Variants in SNTB2 observed in about 807,000 individuals in gnomAD.
SNTB2 encodes the protein syntrophin beta 2, also known as beta-2-syntrophin.
SNTB2 carries 34 observed loss-of-function variants against 46.2 expected under a neutral mutation model. The ratio of observed to expected loss-of-function variants is 0.74; its 90% CI spans 0.56 to 0.98. The LOEUF (loss-of-function observed/expected upper bound fraction) is 0.98. SNTB2 is among the 50% of genes least tolerant of loss of function. The pLI is 0.00. For synonymous variants in SNTB2, 290 were observed against 312.6 expected, an observed-to-expected ratio of 0.93 and a Z score of 0.76; for missense variants, 603 against 731.4, an observed-to-expected ratio of 0.82 and a Z score of 2.02.
In SNTB2 at chr16:69,187,172, G is replaced by C; in HGVS notation, c.6G>C (p.Arg2Ser). Residue 2 changes from arginine to serine, a missense_variant, in exon 1 of 7, where the codon AGG (arginine) becomes AGC (serine). Around this residue, in one of 2 missense-constraint regions of SNTB2, gnomAD observed 66 missense variants for 39.0 expected, o/e 1.69. Transcript: ENST00000336278. ...GCCGAGGCTGCCTGACTGGAATGAG[G>C]GTAGCTGCGGCGACTGCGGCGGCTG... is the stretch of plus-strand genomic sequence containing the variant. M[R>S]VAAATAAAGA... 7.3e-7 allele frequency: 1 copy of C among 1,369,854 alleles called. No individual in the cohort carries two copies. Among genetic ancestry groups the C allele is most frequent in the Non-Finnish European group, 9.4e-7 (1 of 1,059,098 alleles). 84.9% of individuals were successfully genotyped at this position (1,369,854 alleles called of 1,614,324 possible).
At chr16:69,273,655 A>G (rs939562786) in intron 4 of SNTB2, among the ~76,000 whole-genome samples, 10 of 152,152 alleles carry the variant, frequency 6.6e-5, no homozygotes, top group Non-Finnish European at 1.5e-4. Flanking sequence ...TTCTGAATAT[A>G]CTAAAGACCA....
In SNTB2 at chr16:69,260,101, C is replaced by G; in HGVS notation, c.846C>G (p.Cys282Trp). 1 of 1,613,852 alleles carries G rather than the reference C, an allele frequency of 6.2e-7. No individual in the cohort carries two copies. Among genetic ancestry groups the G allele is most frequent in the Non-Finnish European group, 8.5e-7 (1 of 1,179,958 alleles). The change falls in exon 3 of 7, where the codon TGC becomes TGG. Residue 282 changes from cysteine to tryptophan, a missense_variant. This residue lies in a region of SNTB2 where 537 missense variants were observed against 692.4 expected (regional missense o/e 0.78). Coordinates refer to ENST00000336278, the MANE Select transcript of SNTB2 (RefSeq NM_006750.4). ...PDSRNTLILR[C>W]KDTATAHSWF... ...GCAGGAACACGTTGATCCTACGCTG[C>G]AAAGATACAGCCACAGCACACTCCT...
At chr16:69,233,283 T>C (rs1054160197) in intron 1 of SNTB2, among the ~76,000 whole-genome samples, 6 of 152,182 alleles carry the variant, frequency 3.9e-5, no homozygotes, top group African/African-American at 7.2e-5. Context: ...GTGTGAGATA[T>C]GAGGTTCTGG....
intron 4 of SNTB2, among the ~76,000 whole-genome samples, chr16:69,281,728 A>G (rs1480786538): frequency 6.6e-6 from 1 of 151,038 alleles, no homozygotes; most frequent in Non-Finnish European, 1.5e-5. Flanking sequence ...CTGTAATCCC[A>G]GCTATTCGGG....
chr16:69,279,515 C>CTTTT lies in SNTB2; in HGVS notation c.1149-4508_1149-4505dup, dbSNP rs57637291. 1.1e-3 allele frequency among the ~76,000 whole-genome samples: 79 copies of CTTTT among 71,734 alleles called. 9 individuals are homozygous for CTTTT. Among genetic ancestry groups the CTTTT allele is most frequent in the African/African-American group, 3.1e-3 (46 of 14,720 alleles). The allele number at this position is 71,734 out of a possible 152,430, so 47.1% of individuals were successfully genotyped here. A position where few individuals can be genotyped will look rare whatever the true frequency, so the allele number is the denominator to read the frequency against. On this transcript the variant is annotated intron_variant, in intron 4 of 6. Coordinates refer to ENST00000336278, the MANE Select transcript of SNTB2 (RefSeq NM_006750.4). Reference sequence around the variant, plus strand: ...TATACCAAGAAGTGGGTCCTTTGCCCTTTTTTTTTTTTTTTTTTTTTTTTT... The same window carrying CTTTT: ...TATACCAAGAAGTGGGTCCTTTGCCCTTTTTTTTTTTTTTTTTTTTTTTTTTTTT...
intron 1 of SNTB2, among the ~76,000 whole-genome samples, chr16:69,239,047 G>A (rs1037532408): frequency 6.6e-6 from 1 of 152,070 alleles, no homozygotes. Context: ...CCCAGCTCCA[G>A]TTACTCTGGG....
At chr16:69,234,362 A>T (rs1416612763) in intron 1 of SNTB2, among the ~76,000 whole-genome samples, 1 of 152,212 alleles carries the variant, frequency 6.6e-6, no homozygotes, top group Non-Finnish European at 1.5e-5. Context: ...AGTGGCCAAT[A>T]ATTAGGGAAT....
chr16:69,237,280 G>A (rs1964567814), intron 1 of SNTB2, among the ~76,000 whole-genome samples: 1 of 152,074 alleles, frequency 6.6e-6, no homozygotes. Flanking sequence ...TGGCCAGAAA[G>A]AAGGAATACA....
chr16:69,240,257 T>C (rs942850714), intron 1 of SNTB2, among the ~76,000 whole-genome samples: 3 of 152,210 alleles, frequency 2.0e-5, no homozygotes, highest in African/African-American at 7.2e-5. Context: ...GAATTTGCTA[T>C]GTTATTTTAG....
In SNTB2 at chr16:69,269,468, G is replaced by A. The variant is rs74705541; in HGVS notation, c.1006-675G>A. 4.9e-3 allele frequency among the ~76,000 whole-genome samples: 739 copies of A among 152,086 alleles called. 32 individuals are homozygous for A. In the South Asian group the frequency reaches 0.091, roughly 19 times the overall value. ...GGAGGTGAAGGTTGCAGTGAGCCGCGATTGTCCCGCTGCACTCCAGCTTGG... is the reference window on the plus strand; with the variant it reads ...GGAGGTGAAGGTTGCAGTGAGCCGCAATTGTCCCGCTGCACTCCAGCTTGG... On this transcript the variant is annotated intron_variant, in intron 3 of 6. Transcript: ENST00000336278.
At chr16:69,259,602 CTTTTTT>C (rs746479723) in intron 2 of SNTB2, among the ~76,000 whole-genome samples, 1 of 120,618 alleles carries the variant, frequency 8.3e-6, no homozygotes, top group Non-Finnish European at 1.8e-5. Context: ...GAGAAAGTAT[CTTTTTT>C]TTTTTTTTTT....
intron 1 of SNTB2, among the ~76,000 whole-genome samples, chr16:69,234,414 A>G (rs1190747238): frequency 6.6e-6 from 1 of 152,216 alleles, no homozygotes; most frequent in Non-Finnish European, 1.5e-5. Flanking sequence ...GGAATACTAT[A>G]TAGCTATTTT....
rs548824727 is a variant in SNTB2 at position 69,258,342 on chromosome 16, TTTGA to T, written c.795-1703_795-1700del. Among the ~76,000 whole-genome samples the T allele has an allele frequency of 3.4e-3, 517 of 152,246 alleles. 4 individuals carry two copies. The highest frequency in any genetic ancestry group is 0.01 in the African/African-American group (423 of 41,572). On this transcript the variant is annotated intron_variant, in intron 2 of 6. Coordinates refer to ENST00000336278, the MANE Select transcript of SNTB2 (RefSeq NM_006750.4). ...TTTTAAAATTCATCTTTGCAAGAAC[TTTGA>T]TTGAAACACAAAACAATATTCAATA...
At chr16:69,209,852 G>A (rs1964261431) in intron 1 of SNTB2, among the ~76,000 whole-genome samples, 1 of 151,958 alleles carries the variant, frequency 6.6e-6, no homozygotes, top group Admixed American at 6.6e-5. Context: ...CCCACCTCAA[G>A]ATGTTTAAAC....
intron 1 of SNTB2, among the ~76,000 whole-genome samples, chr16:69,198,204 G>A (rs1022785407): frequency 1.3e-5 from 2 of 151,504 alleles, no homozygotes; most frequent in African/African-American, 4.9e-5. Flanking sequence ...CACCTCGCGG[G>A]TTCAAGCGAT....
intron 1 of SNTB2, among the ~76,000 whole-genome samples, chr16:69,213,399 C>A (rs895974048): frequency 6.6e-6 from 1 of 151,988 alleles, no homozygotes; most frequent in Non-Finnish European, 1.5e-5. Context: ...TGATAATTGT[C>A]CACTACTATG....
At chr16:69,292,799 T>A (rs1965186936) in intron 5 of SNTB2, among the ~76,000 whole-genome samples, 1 of 151,914 alleles carries the variant, frequency 6.6e-6, no homozygotes, top group South Asian at 2.1e-4. Flanking sequence ...TATTATTTAT[T>A]GAGCAAGTTT....
At chr16:69,218,732 A>G (rs886686272) in intron 1 of SNTB2, among the ~76,000 whole-genome samples, 2 of 152,128 alleles carry the variant, frequency 1.3e-5, no homozygotes, top group Non-Finnish European at 2.9e-5. Context: ...GTTACAAACA[A>G]TTTTTTAAAA....
chr16:69,237,598 T>C (rs986089424), intron 1 of SNTB2, among the ~76,000 whole-genome samples: 5 of 127,946 alleles, frequency 3.9e-5, no homozygotes, highest in African/African-American at 1.7e-4. Flanking sequence ...TTTCTTTCTT[T>C]CTTTCTTTTT....
Sources: gnomAD v4.1 joint callset for allele counts (sites outside exome capture counted in the v4.1 genomes callset) on GRCh38, gnomAD v4.1.1 for gene constraint, gnomAD v4.1.1 regional missense constraint, MANE v1.5 for transcripts, NCBI Gene and HGNC (gene_info 2026-07-23, HGNC 2026-07-21) for gene names.